Variants in GTF2E2 observed in about 807,000 individuals in gnomAD.
GTF2E2 encodes transcription initiation factor IIE subunit beta.
Under a neutral mutation model 40.5 loss-of-function variants are expected in GTF2E2, and 21 were observed. That is an observed-to-expected ratio of 0.52 (90% CI 0.37 to 0.75). The LOEUF is 0.75. Among genes scored for constraint, GTF2E2 ranks in the 30% least tolerant of loss-of-function variants. The pLI is 0.00. For synonymous variants in GTF2E2, 117 were observed against 121.6 expected, an observed-to-expected ratio of 0.96 and a Z score of 0.25; for missense variants, 298 against 338.4, an observed-to-expected ratio of 0.88 and a Z score of 0.94.
intron 3 of GTF2E2, among the ~76,000 whole-genome samples, chr8:30,631,187 A>C (rs1801429921): frequency 6.6e-6 from 1 of 152,014 alleles, no homozygotes; most frequent in Admixed American, 6.6e-5. Context: ...CACCTGGTTA[A>C]TTTCTTTTTG....
chr8:30,647,106 A>G (rs1425429003), intron 2 of GTF2E2, among the ~76,000 whole-genome samples: 2 of 151,954 alleles, frequency 1.3e-5, no homozygotes, highest in East Asian at 1.9e-4. Context: ...AAATATACAC[A>G]TGAGTAAGGT....
At chr8:30,613,858 C>A (rs1800818938) in intron 4 of GTF2E2, among the ~76,000 whole-genome samples, 1 of 152,166 alleles carries the variant, frequency 6.6e-6, no homozygotes, top group South Asian at 2.1e-4. Flanking sequence ...CTATTCATTT[C>A]CAAATTAGCA....
intron 2 of GTF2E2, among the ~76,000 whole-genome samples, chr8:30,639,005 TAAAGA>T (rs1801710837): frequency 6.6e-6 from 1 of 152,208 alleles, no homozygotes; most frequent in Non-Finnish European, 1.5e-5. Context: ...GGATTTTTCT[TAAAGA>T]AAAACCCAGA....
At chr8:30,657,259 TAAAC>T (rs1046757546) in intron 1 of GTF2E2, among the ~76,000 whole-genome samples, 38 of 152,280 alleles carry the variant, frequency 2.5e-4, no homozygotes, top group African/African-American at 6.0e-4. Flanking sequence ...ATTTTACAAT[TAAAC>T]AAAACCACAA....
At chr8:30,610,254 T>A (rs1383907448) in intron 5 of GTF2E2, among the ~76,000 whole-genome samples, 1 of 151,996 alleles carries the variant, frequency 6.6e-6, no homozygotes, top group Non-Finnish European at 1.5e-5. Flanking sequence ...GAGACCAGAC[T>A]GGCCAACATG....
chr8:30,589,036 G>A (rs1828762313), intron 6 of GTF2E2, among the ~76,000 whole-genome samples: 2 of 151,850 alleles, frequency 1.3e-5, no homozygotes, highest in Admixed American at 1.3e-4. Context: ...GGCGGATCAC[G>A]AGGTCAGGAG....
chr8:30,602,063 G>A (rs906817307), intron 6 of GTF2E2, among the ~76,000 whole-genome samples: 10 of 149,892 alleles, frequency 6.7e-5, no homozygotes, highest in African/African-American at 2.2e-4. Flanking sequence ...TGTTGTCCAG[G>A]TTGGAGTGCA....
In GTF2E2 at chr8:30,612,278, TAGAA is replaced by T; in HGVS notation, c.549+17_549+20del. On this transcript the variant is annotated intron_variant, in intron 5 of 7. Coordinates refer to ENST00000355904, the MANE Select transcript of GTF2E2 (RefSeq NM_002095.6). ...TATTCATTCAAATTATATTAAGACA[TAGAA>T]AGAAAAGAGAGATTACCTTGACAGC... 3 of 1,441,000 alleles carry T rather than the reference TAGAA, an allele frequency of 2.1e-6. No individual in the cohort carries two copies. Among genetic ancestry groups the T allele is most frequent in the East Asian group, 2.3e-5 (1 of 44,154 alleles). 89.3% of individuals were successfully genotyped at this position (1,441,000 alleles called of 1,614,324 possible). A position where few individuals can be genotyped will look rare whatever the true frequency, so the allele number is the denominator to read the frequency against.
chr8:30,637,773 AG>A (rs1395942385), intron 2 of GTF2E2, among the ~76,000 whole-genome samples: 1 of 152,168 alleles, frequency 6.6e-6, no homozygotes, highest in Non-Finnish European at 1.5e-5. Context: ...CACCCAACTC[AG>A]CCTCTCAAAG....
chr8:30,610,096 A>G (rs1335614951), intron 5 of GTF2E2, among the ~76,000 whole-genome samples: 1 of 152,190 alleles, frequency 6.6e-6, no homozygotes, highest in Non-Finnish European at 1.5e-5. Context: ...AACAATCTTG[A>G]AAAAGAACAA....
intron 6 of GTF2E2, among the ~76,000 whole-genome samples, chr8:30,594,172 T>C (rs927928637): frequency 2.0e-5 from 3 of 151,644 alleles, no homozygotes; most frequent in African/African-American, 4.9e-5. Flanking sequence ...CCTCAGGTGA[T>C]CTGCCCACCT....
chr8:30,624,750 A>G (rs1801217157), intron 3 of GTF2E2, among the ~76,000 whole-genome samples: 1 of 152,038 alleles, frequency 6.6e-6, no homozygotes, highest in African/African-American at 2.4e-5. Context: ...TTGGATTTCT[A>G]GGTATTTTAT....
intron 3 of GTF2E2, among the ~76,000 whole-genome samples, chr8:30,621,685 C>G (rs1038763908): frequency 1.3e-5 from 2 of 151,920 alleles, no homozygotes; most frequent in African/African-American, 2.4e-5. Flanking sequence ...TTTGTAGATT[C>G]AGCTTTATTT....
intron 6 of GTF2E2, among the ~76,000 whole-genome samples, chr8:30,594,185 G>A (rs1277317668): frequency 6.6e-6 from 1 of 151,598 alleles, no homozygotes; most frequent in Non-Finnish European, 1.5e-5. Flanking sequence ...GCCCACCTCG[G>A]CCTCCCAAAA....
chr8:30,654,296 A>G (rs147541823), intron 1 of GTF2E2, among the ~76,000 whole-genome samples: 9 of 152,312 alleles, frequency 5.9e-5, no homozygotes, highest in Admixed American at 5.2e-4. Flanking sequence ...TTTAATTACT[A>G]ACGAGATATT....
chr8:30,617,658 G>A (rs1055113505), intron 3 of GTF2E2, among the ~76,000 whole-genome samples: 4 of 151,636 alleles, frequency 2.6e-5, no homozygotes, highest in African/African-American at 7.3e-5. Context: ...AGGCTGTAAC[G>A]ACTGCTTGAG....
intron 2 of GTF2E2, among the ~76,000 whole-genome samples, chr8:30,636,535 AAACT>A (rs1801604101): frequency 6.6e-6 from 1 of 152,204 alleles, no homozygotes; most frequent in South Asian, 2.1e-4. Flanking sequence ...TTTTCCTTTA[AAACT>A]AACTTTGTTA....
rs369822113 is a variant in GTF2E2, at chr8:30,612,415, C to G, written c.433G>C (p.Val145Leu). The G allele has an allele frequency of 6.2e-7, 1 of 1,612,374 alleles. No individual in the cohort carries two copies. The highest frequency in any genetic ancestry group is 2.2e-5 in the East Asian group (1 of 44,872). Residue 145 changes from valine to leucine, a missense_variant, in exon 5 of 8, where the codon GTG (valine) becomes CTG (leucine). Coordinates refer to ENST00000355904, the MANE Select transcript of GTF2E2 (RefSeq NM_002095.6). Reference protein sequence around the residue: ...GKYAFKPKYNVRDKKALLRLL... With the variant: ...GKYAFKPKYNLRDKKALLRLL... ...CTAAGTAGGGCCTTCTTATCTCTCACGTTGTACTTGGGCTTGAAAGCATAC... is the reference window on the plus strand; with the variant it reads ...CTAAGTAGGGCCTTCTTATCTCTCAGGTTGTACTTGGGCTTGAAAGCATAC...
intron 6 of GTF2E2, among the ~76,000 whole-genome samples, chr8:30,595,622 G>C (rs376413951): frequency 1.3e-5 from 2 of 152,154 alleles, no homozygotes; most frequent in African/African-American, 4.8e-5. Context: ...TTGAGCCCAA[G>C]AGTTCAAAAC....
Sources: allele counts gnomAD v4.1 joint callset (sites outside exome capture counted in the v4.1 genomes callset), GRCh38; gene constraint gnomAD v4.1.1; transcripts MANE v1.5; gene names NCBI Gene and HGNC (gene_info 2026-07-23, HGNC 2026-07-21).